The following KLHL1 variants were observed in gnomAD, a reference collection of about 807,000 sequenced individuals.
KLHL1 encodes the protein kelch-like protein 1.
A neutral mutation model predicts 77.7 loss-of-function variants in KLHL1; 47 were observed. The observed-to-expected ratio is 0.60, with a 90% CI of 0.48 to 0.77. The LOEUF (loss-of-function observed/expected upper bound fraction) is 0.77. Among genes scored for constraint, KLHL1 ranks in the 30% least tolerant of loss-of-function variants. The pLI is 0.00. For synonymous variants in KLHL1, 360 were observed against 325.2 expected (o/e 1.11, Z -1.15); for missense variants, 925 against 910.8 (o/e 1.02, Z -0.20).
intron 3 of KLHL1, among the ~76,000 whole-genome samples, chr13:69,948,268 C>T (rs572312465): frequency 2.8e-4 from 43 of 152,054 alleles, no homozygotes; most frequent in African/African-American, 9.2e-4. Context: ...CAGGAAAGCA[C>T]GTAGCAGAAG....
At chr13:69,962,305 C>T (rs1884090567) in intron 2 of KLHL1, among the ~76,000 whole-genome samples, 1 of 151,942 alleles carries the variant, frequency 6.6e-6, no homozygotes. Flanking sequence ...TTCATAGATT[C>T]ATCCTTTATC....
chr13:69,942,430 G>A (rs866206181), intron 3 of KLHL1, among the ~76,000 whole-genome samples: 1 of 151,402 alleles, frequency 6.6e-6, no homozygotes, highest in African/African-American at 2.4e-5. Context: ...ACTTTGTGAT[G>A]TTACTACCAT....
At chr13:69,961,075 A>G (rs1884049060) in intron 3 of KLHL1, among the ~76,000 whole-genome samples, 1 of 152,032 alleles carries the variant, frequency 6.6e-6, no homozygotes, top group African/African-American at 2.4e-5. Context: ...TACTATTTAC[A>G]TATTTATTTA....
At chr13:69,708,401 CG>C (rs1384668038) in intron 9 of KLHL1, among the ~76,000 whole-genome samples, 1 of 151,758 alleles carries the variant, frequency 6.6e-6, no homozygotes, top group Non-Finnish European at 1.5e-5. Flanking sequence ...TGCCTCAAGA[CG>C]TAAGTTTTGA....
At chr13:70,030,665 A>C (rs946786589) in intron 1 of KLHL1, among the ~76,000 whole-genome samples, 5 of 152,248 alleles carry the variant, frequency 3.3e-5, no homozygotes, top group Admixed American at 2.0e-4. Flanking sequence ...TTGACACCCT[A>C]ACATCACAAT....
intron 6 of KLHL1, among the ~76,000 whole-genome samples, chr13:69,825,710 C>T (rs9542095): frequency 0.019 from 2,905 of 152,076 alleles, 63 homozygotes; most frequent in Middle Eastern, 0.044. Flanking sequence ...TGTTTTATCC[C>T]AGGACTACAG....
At chr13:69,962,700 T>C (rs1884103304) in intron 2 of KLHL1, among the ~76,000 whole-genome samples, 1 of 152,108 alleles carries the variant, frequency 6.6e-6, no homozygotes, top group African/African-American at 2.4e-5. Context: ...AATTATGATA[T>C]TTTCAAGTAT....
At chr13:69,906,392 T>G (rs1434292057) in intron 4 of KLHL1, among the ~76,000 whole-genome samples, 1 of 151,956 alleles carries the variant, frequency 6.6e-6, no homozygotes, top group African/African-American at 2.4e-5. Flanking sequence ...TTGTTTGTTT[T>G]TTGCACCCTT....
At chr13:69,814,066 G>A (rs533622052) in intron 6 of KLHL1, among the ~76,000 whole-genome samples, 288 of 152,122 alleles carry the variant, frequency 1.9e-3, no homozygotes, top group African/African-American at 6.5e-3. Context: ...AAATGGAAAA[G>A]AATAGAGACC....
chr13:69,701,745 A>G lies in KLHL1; in HGVS notation c.2204T>C (p.Ile735Thr). ...TACCACACAGGCACCTGCTCTCCCA[A>G]TATTCAAGGAAGCCATCTGTTAAAA... Reference protein sequence around the residue: ...NEWTQMASLNIGRAGACVVVI... With the variant: ...NEWTQMASLNTGRAGACVVVI... The change falls in exon 11 of 11, where the codon ATT becomes ACT. Residue 735 changes from isoleucine to threonine, a missense_variant. Physicochemically the swap from Ile to Thr is moderately conservative, Grantham distance 89. Coordinates refer to ENST00000377844, the MANE Select transcript of KLHL1 (RefSeq NM_020866.3). The G allele has an allele frequency of 1.2e-6, 2 of 1,607,240 alleles. No individual in the cohort carries two copies. The highest frequency in any genetic ancestry group is 1.7e-6 in the Non-Finnish European group (2 of 1,176,184).
At chr13:69,874,098 T>A (rs1043812447) in intron 5 of KLHL1, among the ~76,000 whole-genome samples, 2 of 152,204 alleles carry the variant, frequency 1.3e-5, no homozygotes, top group African/African-American at 4.8e-5. Flanking sequence ...CAGTAATTGT[T>A]TAGAATTGGC....
chr13:69,781,599 A>G (rs866696162), intron 7 of KLHL1, among the ~76,000 whole-genome samples: 2 of 152,028 alleles, frequency 1.3e-5, no homozygotes, highest in Non-Finnish European at 1.5e-5. Context: ...TGTTGTTCTC[A>G]TTAGCTTAGG....
chr13:69,953,907 T>C (rs1038014438), intron 3 of KLHL1, among the ~76,000 whole-genome samples: 3 of 151,264 alleles, frequency 2.0e-5, no homozygotes, highest in Admixed American at 6.6e-5. Flanking sequence ...TCATCATAAT[T>C]GAGTGTTTGC....
intron 7 of KLHL1, among the ~76,000 whole-genome samples, chr13:69,775,079 A>G (rs1281380113): frequency 1.3e-5 from 2 of 152,178 alleles, no homozygotes; most frequent in Non-Finnish European, 2.9e-5. Flanking sequence ...TGCGTTTTTT[A>G]AAGTCGTTTC....
At chr13:69,929,433 A>G (rs904030539) in intron 4 of KLHL1, among the ~76,000 whole-genome samples, 24 of 151,984 alleles carry the variant, frequency 1.6e-4, no homozygotes, top group African/African-American at 5.3e-4. Context: ...GAGTAAAAAC[A>G]TATTCAGGGT....
intron 4 of KLHL1, among the ~76,000 whole-genome samples, chr13:69,915,037 T>C (rs945208583): frequency 6.6e-6 from 1 of 152,134 alleles, no homozygotes; most frequent in Non-Finnish European, 1.5e-5. Flanking sequence ...CAGGGACTTA[T>C]GGTACTGCTC....
intron 1 of KLHL1, among the ~76,000 whole-genome samples, chr13:70,049,891 G>T (rs997320307): frequency 2.9e-4 from 44 of 151,660 alleles, no homozygotes; most frequent in African/African-American, 1.0e-3. Flanking sequence ...AATTAATATT[G>T]CCAGCAATCT....
rs191661340 is a variant in KLHL1 at position 69,865,991 on chromosome 13, G to A, written c.1227+16292C>T. ...CCATGAGGTGAAATCTAATGGTCAG[G>A]ATAAAAATTCCATCTTTTATTTTTA... On this transcript the variant is annotated intron_variant, in intron 5 of 10. Transcript: ENST00000377844. Among the ~76,000 whole-genome samples, 645 of 152,202 alleles carry A rather than the reference G, an allele frequency of 4.2e-3. 4 individuals carry two copies. Among genetic ancestry groups the A allele is most frequent in the Non-Finnish European group, 6.9e-3 (471 of 67,998 alleles).
chr13:70,071,459 T>C (rs1334156605), intron 1 of KLHL1, among the ~76,000 whole-genome samples: 2 of 152,012 alleles, frequency 1.3e-5, no homozygotes, highest in Non-Finnish European at 2.9e-5. Flanking sequence ...GCAGAAAATA[T>C]GTAAAATAGT....
Sources: gnomAD v4.1 joint callset for allele counts (sites outside exome capture counted in the v4.1 genomes callset) on GRCh38, gnomAD v4.1.1 for gene constraint, MANE v1.5 for transcripts, NCBI Gene and HGNC (gene_info 2026-07-23, HGNC 2026-07-21) for gene names.